The following GDPD5 variants were observed in gnomAD, a reference collection of about 807,000 sequenced individuals.
GDPD5 encodes glycerophosphodiester phosphodiesterase 2.
GDPD5 carries 48 observed loss-of-function variants against 75.1 expected under a neutral mutation model. The ratio of observed to expected loss-of-function variants is 0.64; its 90% confidence interval spans 0.51 to 0.81. GDPD5 has a LOEUF of 0.81. GDPD5 is among the 40% of genes least tolerant of loss of function. GDPD5 has a pLI of 0.00. For synonymous variants in GDPD5, 336 were observed against 339.0 expected (o/e 0.99, Z 0.10); for missense variants, 706 against 822.6 (o/e 0.86, Z 1.73).
intron 3 of GDPD5, among the ~76,000 whole-genome samples, chr11:75,463,600 C>T (rs967550982): frequency 6.6e-6 from 1 of 152,146 alleles, no homozygotes; most frequent in African/African-American, 2.4e-5. Context: ...TCCTGCATCC[C>T]GGGAAACTGC....
chr11:75,519,758 G>A (rs563757353), intron 1 of GDPD5, among the ~76,000 whole-genome samples: 9 of 152,200 alleles, frequency 5.9e-5, no homozygotes, highest in Non-Finnish European at 1.3e-4. Flanking sequence ...CCCTGCCTCA[G>A]GAGCCTGCTT....
chr11:75,518,898 G>A (rs191727475), intron 1 of GDPD5, among the ~76,000 whole-genome samples: 18 of 152,194 alleles, frequency 1.2e-4, no homozygotes, highest in Middle Eastern at 3.4e-3. Flanking sequence ...GAGTCCACTC[G>A]TTCAAAAGCT....
At chr11:75,445,396 C>G (rs182325839) in intron 9 of GDPD5, among the ~76,000 whole-genome samples, 1 of 152,180 alleles carries the variant, frequency 6.6e-6, no homozygotes, top group African/African-American at 2.4e-5. Context: ...TCCCCATGTG[C>G]CCCTTAGAGA....
At chr11:75,481,616 C>T (rs1949921728) in intron 2 of GDPD5, among the ~76,000 whole-genome samples, 1 of 151,662 alleles carries the variant, frequency 6.6e-6, no homozygotes, top group Non-Finnish European at 1.5e-5. Flanking sequence ...TACTATACTC[C>T]AGATTTGGGG....
At chr11:75,456,559 T>C in intron 6 of GDPD5, 198 bp downstream of exon 6, 1 of 597,360 alleles carries the variant, frequency 1.7e-6, no homozygotes, top group Non-Finnish European at 3.0e-6. Context: ...CATCACAAGG[T>C]TGCTGTAAGG....
At chr11:75,521,327 G>T (rs1941447624) in intron 1 of GDPD5, among the ~76,000 whole-genome samples, 1 of 152,200 alleles carries the variant, frequency 6.6e-6, no homozygotes, top group East Asian at 1.9e-4. Context: ...AGGTACTTGG[G>T]TGGAGGTGAG....
intron 5 of GDPD5, 144 bp from the exon 6 acceptor site, chr11:75,456,960 G>T: frequency 1.3e-6 from 1 of 755,294 alleles, no homozygotes. Context: ...ATGGGAATGC[G>T]CTGCCCTCCC....
chr11:75,463,057 C>T (rs1949447763), intron 3 of GDPD5, among the ~76,000 whole-genome samples, 168 bp from the exon 4 acceptor site: 1 of 152,244 alleles, frequency 6.6e-6, no homozygotes, highest in African/African-American at 2.4e-5. Context: ...GGGGAAGTGA[C>T]CTGTCCACCA....
chr11:75,451,367 G>C (rs1391465803), intron 6 of GDPD5: 3 of 152,298 alleles, frequency 2.0e-5, no homozygotes, highest in Non-Finnish European at 2.9e-5. Flanking sequence ...TGGTCCCCAG[G>C]TTGGTTCCGC....
At chr11:75,460,306 T>C (rs1048872657) in intron 4 of GDPD5, among the ~76,000 whole-genome samples, 3 of 152,096 alleles carry the variant, frequency 2.0e-5, no homozygotes, top group African/African-American at 7.2e-5. Context: ...AGAGATTCTT[T>C]TTTTTTTGAG....
At chr11:75,465,893 A>ACCTGT (rs1467715319) in intron 3 of GDPD5, among the ~76,000 whole-genome samples, 2 of 152,186 alleles carry the variant, frequency 1.3e-5, no homozygotes, top group Non-Finnish European at 2.9e-5. Flanking sequence ...TGGGAAGACG[A>ACCTGT]CCTGTGACCG....
At chr11:75,503,583 C>T (rs984409508) in intron 1 of GDPD5, among the ~76,000 whole-genome samples, 2 of 152,172 alleles carry the variant, frequency 1.3e-5, no homozygotes, top group African/African-American at 2.4e-5. Context: ...GGTCTCCCAG[C>T]CCACAGCAGG....
intron 1 of GDPD5, among the ~76,000 whole-genome samples, chr11:75,503,918 G>A (rs559252121): frequency 4.6e-5 from 7 of 152,304 alleles, no homozygotes; most frequent in South Asian, 4.1e-4. Context: ...ATTAGACATA[G>A]GCCCCTGGGG....
chr11:75,439,233 C>T, intron 15 of GDPD5: 1 of 423,500 alleles, frequency 2.4e-6, no homozygotes, highest in South Asian at 1.7e-5. Context: ...GCGAGGTGGC[C>T]CGGGCACAGG....
At chr11:75,510,676 G>T (rs1162130546) in intron 1 of GDPD5, among the ~76,000 whole-genome samples, 5 of 123,372 alleles carry the variant, frequency 4.1e-5, no homozygotes, top group Non-Finnish European at 6.5e-5. Flanking sequence ...TCTCTTCTTC[G>T]CAGAGCCTCA....
chr11:75,489,824 G>A (rs747952210), intron 2 of GDPD5, among the ~76,000 whole-genome samples: 34 of 151,312 alleles, frequency 2.2e-4, no homozygotes, highest in Non-Finnish European at 4.1e-4. Context: ...ACTGCAGCTC[G>A]AACTCCTGGG....
At chr11:75,462,754 C>T in intron 4 of GDPD5, 32 bp downstream of exon 4, 1 of 1,549,268 alleles carries the variant, frequency 6.5e-7, no homozygotes, top group Non-Finnish European at 8.9e-7. Context: ...AGCTCTGGGC[C>T]CCTTCCTCCC....
chr11:75,516,395 T>A (rs1592166597), intron 1 of GDPD5, among the ~76,000 whole-genome samples: 1 of 152,242 alleles, frequency 6.6e-6, no homozygotes, highest in East Asian at 1.9e-4. Flanking sequence ...TCTGGGTTGA[T>A]GTACCCTCTC....
At chr11:75,440,879 G>A (rs1347801252) in intron 14 of GDPD5, among the ~76,000 whole-genome samples, 1 of 152,170 alleles carries the variant, frequency 6.6e-6, no homozygotes, top group Non-Finnish European at 1.5e-5. Context: ...TCCTGTCCTT[G>A]TTACCCTCCA....
Sources: gnomAD v4.1 joint callset for allele counts (sites outside exome capture counted in the v4.1 genomes callset) on GRCh38, gnomAD v4.1.1 for gene constraint, MANE v1.5 for transcripts, NCBI Gene and HGNC (gene_info 2026-07-23, HGNC 2026-07-21) for gene names.